RALB: variants seen among roughly 807,000 people sequenced by gnomAD.
The protein encoded by RALB is RAS like proto-oncogene B.
A neutral mutation model predicts 21.3 loss-of-function variants in RALB; 16 were observed. The ratio of observed to expected loss-of-function variants is 0.75; its 90% CI spans 0.51 to 1.14. RALB has a LOEUF of 1.14. RALB is among the 50% of genes most tolerant of loss of function. The probability of loss-of-function intolerance (pLI) is 0.00; values close to 1 mark genes in which losing one functional copy is unlikely to be tolerated. For synonymous variants in RALB, 93 were observed against 96.1 expected (o/e 0.97, Z 0.19); for missense variants, 161 against 256.2 (o/e 0.63, Z 2.54).
chr2:120,284,181 A>G (rs113511856), intron 2 of RALB, among the ~76,000 whole-genome samples: 53 of 152,356 alleles, frequency 3.5e-4, no homozygotes, highest in African/African-American at 1.2e-3. Context: ...GAGATAATTT[A>G]TTAGTACACG....
chr2:120,251,080 G>A (rs1366127630), upstream of RALB, among the ~76,000 whole-genome samples: 1 of 152,250 alleles, frequency 6.6e-6, no homozygotes, highest in Non-Finnish European at 1.5e-5. Flanking sequence ...TGCATCTGCT[G>A]TGGGTCCTAG....
chr2:120,253,240 G>A, intron 1 of RALB: 1 of 416,674 alleles, frequency 2.4e-6, no homozygotes, highest in Non-Finnish European at 3.2e-6. Context: ...CCTCTCCCTT[G>A]TAGCCGCGGT....
chr2:120,278,819 G>A (rs766320895), intron 2 of RALB, 41 bp downstream of exon 2: 110 of 1,457,768 alleles, frequency 7.5e-5, no homozygotes, highest in Non-Finnish European at 9.3e-5. Context: ...TTTGGCATTG[G>A]CCGTAGCAGT....
At chr2:120,272,458 A>T (rs1689688497) in intron 1 of RALB, among the ~76,000 whole-genome samples, 1 of 152,230 alleles carries the variant, frequency 6.6e-6, no homozygotes, top group South Asian at 2.1e-4. Flanking sequence ...AGAGAGAGGG[A>T]CGACAGATGA....
chr2:120,253,103 A>G (rs1462757206), intron 1 of RALB, 123 bp downstream of exon 1: 5 of 675,468 alleles, frequency 7.4e-6, no homozygotes, highest in African/African-American at 2.0e-5. Flanking sequence ...GCGGCAGGAC[A>G]TGTCGCGCCC....
At chr2:120,252,762 CT>C (rs373722195), upstream of RALB, 73 of 984,908 alleles carry the variant, frequency 7.4e-5, no homozygotes, top group Middle Eastern at 3.1e-3. Context: ...ACGGGCGTGG[CT>C]TCCGAGGAGA....
At chr2:120,286,200 A>T (rs1191073055) in intron 3 of RALB, 118 bp downstream of exon 3, 3 of 771,386 alleles carry the variant, frequency 3.9e-6, no homozygotes, top group African/African-American at 3.5e-5. Context: ...GCTTGTTCTC[A>T]GGAATAATTC....
intron 1 of RALB, among the ~76,000 whole-genome samples, chr2:120,271,678 C>T (rs1463970233): frequency 1.3e-5 from 2 of 152,224 alleles, no homozygotes; most frequent in African/African-American, 2.4e-5. Context: ...TTGCTTTGCA[C>T]ATGCTGTGTG....
intron 4 of RALB, among the ~76,000 whole-genome samples, chr2:120,292,861 G>T (rs75842835): frequency 1.3e-5 from 2 of 151,792 alleles, no homozygotes; most frequent in East Asian, 3.9e-4. Context: ...GAGCAGTTGT[G>T]TGATACGAGC....
intron 1 of RALB, among the ~76,000 whole-genome samples, chr2:120,276,072 T>C (rs1346045384): frequency 1.3e-5 from 2 of 152,112 alleles, no homozygotes; most frequent in East Asian, 3.9e-4. Context: ...TGCAGGCGAG[T>C]CCTCAGCCTG....
chr2:120,293,147 T>C lies in RALB; in HGVS notation c.508T>C (p.Phe170Leu), dbSNP rs1690347046. ...CTTTACTCCTCACCCCCAGGTGTTC[T>C]TTGACCTAATGAGAGAAATCAGAAC... is the stretch of plus-strand genomic sequence containing the variant. ...KTRANVDKVF[F>L]DLMREIRTKK... The change falls in exon 5 of 5, where the codon TTT becomes CTT. Residue 170 changes from phenylalanine to leucine, a missense_variant. Physicochemically the swap from Phe to Leu is conservative, Grantham distance 22 (BLOSUM62 0). Transcript: ENST00000272519. 1 of 1,610,488 alleles carries C rather than the reference T, an allele frequency of 6.2e-7. No individual in the cohort carries two copies. The highest frequency in any genetic ancestry group is 8.5e-7 in the Non-Finnish European group (1 of 1,178,720).
At chr2:120,280,248 T>C (rs1689954774) in intron 2 of RALB, among the ~76,000 whole-genome samples, 2 of 152,216 alleles carry the variant, frequency 1.3e-5, no homozygotes, top group South Asian at 4.1e-4. Context: ...TGTAGTCACA[T>C]GCACATGTAT....
At chr2:120,259,454 T>A (rs1006305476) in intron 1 of RALB, among the ~76,000 whole-genome samples, 7 of 152,174 alleles carry the variant, frequency 4.6e-5, no homozygotes, top group Admixed American at 2.0e-4. Flanking sequence ...TGTCAATTGG[T>A]GCATTCACAA....
At chr2:120,240,170 G>C (rs1477999144) in intron 1 of RALB, 2 of 1,288,980 alleles carry the variant, frequency 1.6e-6, no homozygotes, top group Non-Finnish European at 2.0e-6. Flanking sequence ...AAGCCCCACA[G>C]TGACCTTGTG....
At chr2:120,242,582 A>C (rs1688912586) in intron 1 of RALB, among the ~76,000 whole-genome samples, 1 of 151,826 alleles carries the variant, frequency 6.6e-6, no homozygotes, top group Non-Finnish European at 1.5e-5. Flanking sequence ...AAAATACAAA[A>C]ACAAAATTAG....
intron 2 of RALB, among the ~76,000 whole-genome samples, chr2:120,279,511 C>CA (rs1689931196): frequency 6.6e-6 from 1 of 152,172 alleles, no homozygotes; most frequent in African/African-American, 2.4e-5. Context: ...AATGTAACAA[C>CA]TGTTTGCGTA....
upstream of RALB, among the ~76,000 whole-genome samples, chr2:120,250,223 C>T (rs1573317654): frequency 6.6e-6 from 1 of 152,350 alleles, no homozygotes; most frequent in East Asian, 1.9e-4. Context: ...ACAACTCCCA[C>T]ATCGTAGTGT....
At chr2:120,268,110 C>T (rs113194484) in intron 1 of RALB, among the ~76,000 whole-genome samples, 1,793 of 152,310 alleles carry the variant, frequency 0.012, 34 homozygotes, top group African/African-American at 0.04. Flanking sequence ...TTTAAAAGCA[C>T]TATATGAGCA....
Position 120,293,232 on chromosome 2 carries a change from G to GA in RALB, c.593_594insA (p.Ser198ArgfsTer3). 1 of 1,613,422 alleles carries GA rather than the reference G, an allele frequency of 6.2e-7. No homozygotes were observed. Among genetic ancestry groups the GA allele is most frequent in the Non-Finnish European group, 8.5e-7 (1 of 1,179,676 alleles). ...AAGAAAAGCAGCAAGAACAAGAAAA[G>GA]TTTTAAAGAAAGATGTTGCTTACTA... is the stretch of plus-strand genomic sequence containing the variant. On this transcript the variant is annotated frameshift_variant, in exon 5 of 5. Coordinates refer to ENST00000272519, the MANE Select transcript of RALB (RefSeq NM_002881.3). LOFTEE classifies it high-confidence loss of function.
Sources: allele counts gnomAD v4.1 joint callset (sites outside exome capture counted in the v4.1 genomes callset), GRCh38; gene constraint gnomAD v4.1.1; transcripts MANE v1.5; gene names NCBI Gene and HGNC (gene_info 2026-07-23, HGNC 2026-07-21).